The following DNAI3 variants were observed in gnomAD, a reference collection of about 807,000 sequenced individuals.
The protein encoded by DNAI3 is dynein axonemal intermediate chain 3.
DNAI3 carries 83 observed loss-of-function variants against 115.5 expected under a neutral mutation model. That is an observed-to-expected ratio of 0.72 (90% confidence interval 0.60 to 0.86). The LOEUF is 0.86. Among genes scored for constraint, DNAI3 ranks in the 40% least tolerant of loss-of-function variants. The pLI is 0.00. For synonymous variants in DNAI3, 320 were observed against 347.0 expected, an observed-to-expected ratio of 0.92 and a Z score of 0.86; for missense variants, 1,004 against 1,075.8, an observed-to-expected ratio of 0.93 and a Z score of 0.93.
chr1:85,099,499 A>G (rs1420338378), intron 13 of DNAI3: 2 of 154,196 alleles, frequency 1.3e-5, no homozygotes, highest in African/African-American at 2.4e-5. Context: ...ATGGAAGAAC[A>G]TTCCATGCTC....
intron 8 of DNAI3, 127 bp from the exon 9 acceptor site, chr1:85,093,331 C>T: frequency 1.1e-6 from 1 of 901,406 alleles, no homozygotes; most frequent in Non-Finnish European, 1.6e-6. Context: ...ATCATTATCA[C>T]CAAATATAAT....
At chr1:85,104,160 G>A (rs1316636599) in intron 13 of DNAI3, among the ~76,000 whole-genome samples, 1 of 138,518 alleles carries the variant, frequency 7.2e-6, no homozygotes. Flanking sequence ...TCGCTCTGTC[G>A]CCCAGGCTGG....
Position 85,093,511 on chromosome 1 carries a change from G to A in DNAI3, c.911G>A (p.Trp304Ter). 2 of 1,614,110 alleles carry A rather than the reference G, an allele frequency of 1.2e-6. No homozygotes were observed. The highest frequency in any genetic ancestry group is 1.7e-6 in the Non-Finnish European group (2 of 1,180,030). ...NEIMNTFIDD[W>*]KYLAEEEGTF... ...ATCATGAACACATTTATTGATGACT[G>A]GAAATACCTCGCAGAAGAAGAAGGC... Residue 304 changes from tryptophan (W) to a stop codon, truncating the protein, a stop_gained, in exon 9 of 23, where the codon TGG becomes TAG. Coordinates refer to ENST00000294664, the MANE Select transcript of DNAI3 (RefSeq NM_145172.5). LOFTEE classifies it high-confidence loss of function.
At position 85,093,466 on chromosome 1, in the gene DNAI3, T is replaced by A. The variant is rs1211409578; in HGVS notation, c.866T>A (p.Ile289Lys). Reference sequence around the variant, plus strand: ...TTATTTTTACAAATTAGTGTTGAAATAGCCCTGCAGCAAAATGAAATCATG... The same window carrying A: ...TTATTTTTACAAATTAGTGTTGAAAAAGCCCTGCAGCAAAATGAAATCATG... ...FLNNASISVE[I>K]ALQQNEIMNT... Residue 289 changes from isoleucine (I) to lysine (K), a missense_variant, in exon 9 of 23, where the codon ATA becomes AAA. Around this residue, in one of 3 missense-constraint regions of DNAI3, gnomAD observed 550 missense variants for 568.1 expected, o/e 0.97. Coordinates refer to ENST00000294664, the MANE Select transcript of DNAI3 (RefSeq NM_145172.5). 2.5e-6 allele frequency: 4 copies of A among 1,613,482 alleles called. No homozygotes were observed. The African/African-American group carries it at 5.3e-5, about 22-fold the overall frequency.
intron 6 of DNAI3, 49 bp from the exon 7 acceptor site, chr1:85,085,782 C>A (rs776346246): frequency 1.3e-6 from 1 of 770,468 alleles, no homozygotes; most frequent in Non-Finnish European, 1.9e-6. Flanking sequence ...ACATTGCCTA[C>A]ACATCAGGGA....
At chr1:85,109,977 G>A in intron 15 of DNAI3, 71 bp from the exon 16 acceptor site, 1 of 1,460,018 alleles carries the variant, frequency 6.8e-7, no homozygotes, top group Non-Finnish European at 9.5e-7. Context: ...GAAGGGAAAG[G>A]CAAGAATAAA....
intron 1 of DNAI3, among the ~76,000 whole-genome samples, chr1:85,068,266 C>T (rs990716311): frequency 2.6e-5 from 4 of 152,070 alleles, no homozygotes; most frequent in African/African-American, 4.8e-5. Context: ...AACTCCTGAA[C>T]TTCTCTTTCA....
At chr1:85,076,678 C>T (rs2100561357) in intron 3 of DNAI3, among the ~76,000 whole-genome samples, 1 of 152,236 alleles carries the variant, frequency 6.6e-6, no homozygotes, top group African/African-American at 2.4e-5. Flanking sequence ...TATTCACTAT[C>T]ATGAGAACAG....
Position 85,133,038 on chromosome 1 carries a change from C to T in DNAI3, c.*40C>T. The stretch of plus-strand genomic sequence containing the variant: ...GGGGTGTTTTGGGGACTTCTTCCCT[C>T]TATTTATTTTTATGTCAGGTGAACT... On this transcript the variant is annotated 3_prime_UTR_variant, in exon 23 of 23. Coordinates refer to ENST00000294664, the MANE Select transcript of DNAI3 (RefSeq NM_145172.5). 1 of 1,580,310 alleles carries T rather than the reference C, an allele frequency of 6.3e-7. No individual in the cohort carries two copies. The highest frequency in any genetic ancestry group is 1.2e-5 in the South Asian group (1 of 85,174).
intron 22 of DNAI3, among the ~76,000 whole-genome samples, chr1:85,131,675 A>G (rs918189687): frequency 6.6e-6 from 1 of 152,140 alleles, no homozygotes; most frequent in African/African-American, 2.4e-5. Flanking sequence ...GTTCTTTTGC[A>G]CTTAACAAAT....
intron 14 of DNAI3, among the ~76,000 whole-genome samples, chr1:85,105,846 T>G (rs1267687792): frequency 2.0e-5 from 3 of 152,222 alleles, no homozygotes; most frequent in Non-Finnish European, 4.4e-5. Context: ...TGGCTCCTAC[T>G]GTATCATGAA....
intron 17 of DNAI3, among the ~76,000 whole-genome samples, chr1:85,119,337 T>C (rs1014514779): frequency 3.3e-5 from 5 of 152,300 alleles, no homozygotes; most frequent in Non-Finnish European, 5.9e-5. Flanking sequence ...TAACTCCCTC[T>C]TCCTTTCTTT....
chr1:85,095,569 A>G (rs1322064030), intron 10 of DNAI3, among the ~76,000 whole-genome samples: 1 of 152,140 alleles, frequency 6.6e-6, no homozygotes, highest in Non-Finnish European at 1.5e-5. Flanking sequence ...ACAGACACAG[A>G]TCCTGTCCTC....
At chr1:85,130,228 G>C (rs114394227) in intron 22 of DNAI3, 116 bp downstream of exon 22, 8 of 1,449,246 alleles carry the variant, frequency 5.5e-6, no homozygotes, top group Non-Finnish European at 7.5e-6. Context: ...TTCTTCTCTT[G>C]TTCTCATGAG....
Position 85,133,052 on chromosome 1 carries a change from G to T in DNAI3, c.*54G>T, listed in dbSNP as rs1656390446. The T allele has an allele frequency of 6.4e-7, 1 of 1,563,352 alleles. No individual in the cohort carries two copies. Among genetic ancestry groups the T allele is most frequent in the East Asian group, 2.3e-5 (1 of 44,318 alleles). ...ACTTCTTCCCTCTATTTATTTTTAT[G>T]TCAGGTGAACTGGCATGCTGAACAT... On this transcript the variant is annotated 3_prime_UTR_variant, in exon 23 of 23. Coordinates refer to ENST00000294664, the MANE Select transcript of DNAI3 (RefSeq NM_145172.5).
At chr1:85,106,874 A>C (rs1655503522) in intron 14 of DNAI3, among the ~76,000 whole-genome samples, 1 of 152,154 alleles carries the variant, frequency 6.6e-6, no homozygotes, top group Admixed American at 6.5e-5. Flanking sequence ...CTATATACAA[A>C]CGTTTAAAAT....
chr1:85,070,192 C>T (rs536064744), intron 1 of DNAI3, among the ~76,000 whole-genome samples: 5 of 152,022 alleles, frequency 3.3e-5, no homozygotes, highest in Non-Finnish European at 7.4e-5. Flanking sequence ...ACCTGGGAAG[C>T]GGAGGTTGCG....
intron 13 of DNAI3, among the ~76,000 whole-genome samples, chr1:85,103,526 G>A (rs187363779): frequency 3.3e-5 from 5 of 152,274 alleles, no homozygotes; most frequent in Admixed American, 2.6e-4. Flanking sequence ...AACTGACAGA[G>A]CCTACATTTC....
At chr1:85,066,314 C>CATTTTTTTTTT (rs1553164760) in intron 1 of DNAI3, among the ~76,000 whole-genome samples, 4 of 70,014 alleles carry the variant, frequency 5.7e-5, no homozygotes, top group Admixed American at 3.8e-4. Flanking sequence ...TTCTGCTACT[C>CATTTTTTTTTT]TTTTTTTTTT....
Sources: allele counts gnomAD v4.1 joint callset (sites outside exome capture counted in the v4.1 genomes callset), GRCh38; gene constraint gnomAD v4.1.1; regional missense constraint gnomAD v4.1.1; transcripts MANE v1.5; gene names NCBI Gene and HGNC (gene_info 2026-07-23, HGNC 2026-07-21).